Variants in MUC5B observed in about 807,000 individuals in gnomAD.
MUC5B encodes mucin-5B.
In MUC5B, 116 loss-of-function variants were observed where a neutral mutation model predicts 376.9. The observed-to-expected ratio is 0.31, with a 90% confidence interval of 0.26 to 0.36. The LOEUF (loss-of-function observed/expected upper bound fraction) is 0.36. MUC5B is among the 10% of genes least tolerant of loss of function. The probability of loss-of-function intolerance (pLI) is 1.00; values close to 1 mark genes in which losing one functional copy is unlikely to be tolerated. For synonymous variants in MUC5B, 3,517 were observed against 3,390.9 expected, an observed-to-expected ratio of 1.04 and a Z score of -1.29; for missense variants, 7,165 against 7,769.9, an observed-to-expected ratio of 0.92 and a Z score of 2.93.
At chr11:1,225,781 G>T in intron 2 of MUC5B, 44 bp downstream of exon 2, 1 of 1,568,046 alleles carries the variant, frequency 6.4e-7, no homozygotes. Flanking sequence ...GACCAGGCTG[G>T]AGGGGCTGGA....
chr11:1,223,603 G>A (rs899125722), intron 1 of MUC5B, among the ~76,000 whole-genome samples: 1 of 152,156 alleles, frequency 6.6e-6, no homozygotes, highest in Admixed American at 6.5e-5. Flanking sequence ...GTCCAGGACC[G>A]GCTCTACCCT....
Position 1,256,815 on chromosome 11 carries a change from C to A in MUC5B, c.16237+44C>A. 2.1e-6 allele frequency: 3 copies of A among 1,455,094 alleles called. No homozygotes were observed. The South Asian group carries it at 4.0e-5, about 19-fold the overall frequency. The allele number at this position is 1,455,094 out of a possible 1,614,324, so 90.1% of individuals were successfully genotyped here. The stretch of plus-strand genomic sequence containing the variant: ...GGCGGGATACGACCCTGGGCCCGAC[C>A]CAAGCACACACAGGGTGGGAGGAGC... On this transcript the variant is annotated intron_variant, in intron 39 of 48. Coordinates refer to ENST00000529681, the MANE Select transcript of MUC5B (RefSeq NM_002458.3).
chr11:1,244,134 G>C lies in MUC5B; in HGVS notation c.7254G>C (p.Pro2418=). Reference sequence around the variant, plus strand: ...ACTACGGCCACTGCCCCAGCACCCCGGCCACCAGCTCTACGGCCATGCCCT... The same window carrying C: ...ACTACGGCCACTGCCCCAGCACCCCCGCCACCAGCTCTACGGCCATGCCCT... The part of the protein sequence containing the change: ...CCNYGHCPST[P]ATSSTAMPSS... The change falls in exon 31 of 49, where the codon CCG becomes CCC. Residue 2418 remains proline, a synonymous_variant. Transcript: ENST00000529681. 1 of 1,612,058 alleles carries C rather than the reference G, an allele frequency of 6.2e-7. No homozygotes were observed. Among genetic ancestry groups the C allele is most frequent in the Non-Finnish European group, 8.5e-7 (1 of 1,179,214 alleles).
chr11:1,228,606 G>A lies in MUC5B; in HGVS notation c.817G>A (p.Glu273Lys), dbSNP rs1861944032. The A allele has an allele frequency of 6.5e-7, 1 of 1,531,714 alleles. No individual in the cohort carries two copies. Among genetic ancestry groups the A allele is most frequent in the Non-Finnish European group, 8.7e-7 (1 of 1,144,496 alleles). The allele number at this position is 1,531,714 out of a possible 1,614,324, so 94.9% of individuals were successfully genotyped here. The part of the protein sequence containing the change: ...HRTLLGPAFA[E>K]CHALVDSTAY... ...CACCCTGCTGGGGCCGGCCTTTGCGGAGTGCCACGCACTGGTGGACAGCAC... is the reference window on the plus strand; with the variant it reads ...CACCCTGCTGGGGCCGGCCTTTGCGAAGTGCCACGCACTGGTGGACAGCAC... The change falls in exon 8 of 49, where the codon GAG (glutamate) becomes AAG (lysine). Residue 273 changes from glutamate to lysine, a missense_variant. Coordinates refer to ENST00000529681, the MANE Select transcript of MUC5B (RefSeq NM_002458.3).
intron 47 of MUC5B, 86 bp from the exon 48 acceptor site, chr11:1,260,533 AGGGGTGG>A: frequency 6.9e-7 from 1 of 1,455,490 alleles, no homozygotes; most frequent in Non-Finnish European, 9.5e-7. Context: ...GGGCCATGGG[AGGGGTGG>A]TCCCATGGGG....
chr11:1,258,503 G>A lies in MUC5B; in HGVS notation c.16593+136G>A, dbSNP rs535860577. 215 of 1,052,306 alleles carry A rather than the reference G, an allele frequency of 2.0e-4. 1 individual carries two copies. In the East Asian group the frequency reaches 4.5e-3, roughly 22 times the overall value. 65.2% of individuals were successfully genotyped at this position (1,052,306 alleles called of 1,614,324 possible). A position where few individuals can be genotyped will look rare whatever the true frequency, so the allele number is the denominator to read the frequency against. ...CGATCCGCACAGGGGCCCTGGACAC[G>A]TCAGAGCTGGGACATGCTTGGGACT... is the stretch of plus-strand genomic sequence containing the variant. On this transcript the variant is annotated intron_variant, in intron 43 of 48. Coordinates refer to ENST00000529681, the MANE Select transcript of MUC5B (RefSeq NM_002458.3). The surrounding 1 kb of genome is among the most constrained non-coding windows in gnomAD (Gnocchi z 5.5).
At position 1,249,138 on chromosome 11, in the gene MUC5B, C is replaced by A. The variant is rs1355167264; in HGVS notation, c.12258C>A (p.Thr4086=). The part of the protein sequence containing the change: ...TESPPSPGTT[T]PGHTTATSRT... ...CACCCCCTTCCCCAGGGACGACCAC[C>A]CCGGGCCACACCACGGCCACCTCCA... Residue 4086 remains threonine (T), a synonymous_variant, in exon 31 of 49, where the codon ACC becomes ACA. Transcript: ENST00000529681. 3 of 1,611,284 alleles carry A rather than the reference C, an allele frequency of 1.9e-6. No homozygotes were observed. Among genetic ancestry groups the A allele is most frequent in the African/African-American group, 2.7e-5 (2 of 74,800 alleles).
chr11:1,239,830 C>T lies in MUC5B; in HGVS notation c.3615C>T (p.Pro1205=), dbSNP rs1266554678. The T allele has an allele frequency of 6.2e-7, 1 of 1,612,412 alleles. No homozygotes were observed. Among genetic ancestry groups the T allele is most frequent in the African/African-American group, 1.3e-5 (1 of 74,886 alleles). ...GCYPKCPPSQ[P]FFNEDQMKCV... is the part of the protein sequence containing the mutation. Reference sequence around the variant, plus strand: ...ACCCGAAGTGCCCACCCAGCCAGCCCTTCTTCAATGAGGACCAGATGAAGT... The same window carrying T: ...ACCCGAAGTGCCCACCCAGCCAGCCTTTCTTCAATGAGGACCAGATGAAGT... The change falls in exon 28 of 49, where the codon CCC becomes CCT. Residue 1205 remains proline, a synonymous_variant. Coordinates refer to ENST00000529681, the MANE Select transcript of MUC5B (RefSeq NM_002458.3).
At position 1,246,819 on chromosome 11, in the gene MUC5B, C is replaced by G; in HGVS notation, c.9939C>G (p.Thr3313=). 6.2e-7 allele frequency: 1 copy of G among 1,607,726 alleles called. No individual in the cohort carries two copies. Among genetic ancestry groups the G allele is most frequent in the South Asian group, 1.1e-5 (1 of 90,888 alleles). ...AHTTKVPTTT[T]TGFTATPSSS... is the part of the protein sequence containing the mutation. Reference sequence around the variant, plus strand: ...CTACCAAAGTGCCGACTACCACAACCACGGGCTTCACAGCCACCCCCTCCT... The same window carrying G: ...CTACCAAAGTGCCGACTACCACAACGACGGGCTTCACAGCCACCCCCTCCT... Residue 3313 remains threonine, a synonymous_variant, in exon 31 of 49, where the codon ACC becomes ACG. Coordinates refer to ENST00000529681, the MANE Select transcript of MUC5B (RefSeq NM_002458.3).
chr11:1,249,267 G>T lies in MUC5B; in HGVS notation c.12387G>T (p.Glu4129Asp). 6.2e-7 allele frequency: 1 copy of T among 1,611,404 alleles called. No individual in the cohort carries two copies. The highest frequency in any genetic ancestry group is 8.5e-7 in the Non-Finnish European group (1 of 1,179,584). The part of the protein sequence containing the change: ...PITTVVTTGC[E>D]PQCAWSEWLD... ...CCACGGTGGTGACCACGGGCTGTGAGCCCCAGTGTGCCTGGTCAGAGTGGC... is the reference window on the plus strand; with the variant it reads ...CCACGGTGGTGACCACGGGCTGTGATCCCCAGTGTGCCTGGTCAGAGTGGC... The change falls in exon 31 of 49, where the codon GAG becomes GAT. Residue 4129 changes from glutamate (E) to aspartate (D), a missense_variant. Glu to Asp is a conservative substitution (Grantham distance 45, BLOSUM62 2). This residue lies in a region of MUC5B where 47 missense variants were observed against 88.4 expected (regional missense o/e 0.53). Transcript: ENST00000529681.
At chr11:1,236,330 G>C (rs1389764523) in intron 23 of MUC5B, 56 bp from the exon 24 acceptor site, 4 of 1,545,686 alleles carry the variant, frequency 2.6e-6, no homozygotes, top group Non-Finnish European at 2.6e-6. Context: ...CTGGGTCTCA[G>C]GCCCCTCCCT....
Position 1,239,947 on chromosome 11 carries a change from A to AG in MUC5B, c.3728+9dup. ...CAGCGGAGAACTGCCAGAGCTGGTG[A>AG]GGGGGTGGGAAGCGGGTGGCGCTGG... On this transcript the variant is annotated splice_donor_region_variant and intron_variant, in intron 28 of 48. Transcript: ENST00000529681. 1 of 1,612,660 alleles carries AG rather than the reference A, an allele frequency of 6.2e-7. No individual in the cohort carries two copies. The highest frequency in any genetic ancestry group is 8.5e-7 in the Non-Finnish European group (1 of 1,179,480).
chr11:1,257,419 T>TCACTCTGGGC lies in MUC5B; in HGVS notation c.16270-105_16270-96dup. On this transcript the variant is annotated intron_variant, in intron 40 of 48. Coordinates refer to ENST00000529681, the MANE Select transcript of MUC5B (RefSeq NM_002458.3). This position sits in a 1 kb window ranked among gnomAD's most constrained non-coding sequence, Gnocchi z 8.9. ...TGGCTGGTGTGCGCTTCCTGCCCCA[T>TCACTCTGGGC]CACTCTGGGCCACTCGGGTACCAGC... 2 of 1,334,050 alleles carry TCACTCTGGGC rather than the reference T, an allele frequency of 1.5e-6. No homozygotes were observed. The highest frequency in any genetic ancestry group is 2.1e-6 in the Non-Finnish European group (2 of 951,418). 82.6% of individuals were successfully genotyped at this position (1,334,050 alleles called of 1,614,324 possible). A position where few individuals can be genotyped will look rare whatever the true frequency, so the allele number is the denominator to read the frequency against.
chr11:1,231,341 G>A, intron 13 of MUC5B, 82 bp from the exon 14 acceptor site: 1 of 1,472,772 alleles, frequency 6.8e-7, no homozygotes, highest in Non-Finnish European at 9.1e-7. Context: ...GGGTGGCCCG[G>A]CCCACTGGAT....
chr11:1,243,309 C>G lies in MUC5B; in HGVS notation c.6429C>G (p.Thr2143=), dbSNP rs534985648. 9 of 1,557,396 alleles carry G rather than the reference C, an allele frequency of 5.8e-6. No individual in the cohort carries two copies. Among genetic ancestry groups the G allele is most frequent in the Middle Eastern group, 1.7e-4 (1 of 5,958 alleles). ...LTTTATTITA[T]GSTTNPSSTP... is the part of the protein sequence containing the mutation. ...CCACGGCCACTACGATCACGGCCAC[C>G]GGCTCCACCACCAACCCCTCCTCAA... Residue 2143 remains threonine (T), a synonymous_variant, in exon 31 of 49, where the codon ACC becomes ACG. Coordinates refer to ENST00000529681, the MANE Select transcript of MUC5B (RefSeq NM_002458.3).
chr11:1,251,702 C>T lies in MUC5B; in HGVS notation c.14822C>T (p.Thr4941Ile). ...GGCTTCCCCAGCTCCCACTTCTCTA[C>T]TCCCTGCTTCTGCAGGGCATTTGGA... ...PTGFPSSHFS[T>I]PCFCRAFGQF... is the part of the protein sequence containing the mutation. Residue 4941 changes from threonine (T) to isoleucine (I), a missense_variant, in exon 31 of 49, where the codon ACT (threonine) becomes ATT (isoleucine). This residue lies in a region of MUC5B where 730 missense variants were observed against 592.7 expected (regional missense o/e 1.23). Coordinates refer to ENST00000529681, the MANE Select transcript of MUC5B (RefSeq NM_002458.3). 6.2e-7 allele frequency: 1 copy of T among 1,610,914 alleles called. No individual in the cohort carries two copies. The highest frequency in any genetic ancestry group is 8.5e-7 in the Non-Finnish European group (1 of 1,178,482).
At chr11:1,238,800 C>G in intron 25 of MUC5B, 71 bp from the exon 26 acceptor site, 2 of 1,494,940 alleles carry the variant, frequency 1.3e-6, no homozygotes, top group South Asian at 2.5e-5. Flanking sequence ...CAGCAACTGG[C>G]CCTGGGCCAG....
chr11:1,252,516 C>G lies in MUC5B; in HGVS notation c.15037C>G (p.Leu5013Val). 6.5e-7 allele frequency: 1 copy of G among 1,549,748 alleles called. No individual in the cohort carries two copies. Among genetic ancestry groups the G allele is most frequent in the Non-Finnish European group, 8.7e-7 (1 of 1,147,152 alleles). Residue 5013 changes from leucine to valine, a missense_variant, in exon 32 of 49, where the codon CTC becomes GTC. By Grantham distance (32) the Leu-to-Val change is conservative. Around this residue, in one of 31 missense-constraint regions of MUC5B, gnomAD observed 842 missense variants for 1,016.9 expected, o/e 0.83. Transcript: ENST00000529681. Reference protein sequence around the residue: ...PAPGCDNAIPLRQVNETWTLE... With the variant: ...PAPGCDNAIPVRQVNETWTLE... The stretch of plus-strand genomic sequence containing the variant: ...CCCTGGCTGTGACAATGCCATCCCT[C>G]TCCGGCAGGTGGGCCCCGCCTGCCC...
At position 1,246,625 on chromosome 11, in the gene MUC5B, T is replaced by G; in HGVS notation, c.9745T>G (p.Trp3249Gly). 1 of 1,611,086 alleles carries G rather than the reference T, an allele frequency of 6.2e-7. No individual in the cohort carries two copies. The change falls in exon 31 of 49, where the codon TGG becomes GGG. Residue 3249 changes from tryptophan to glycine, a missense_variant. This residue lies in a region of MUC5B where 939 missense variants were observed against 770.6 expected (regional missense o/e 1.22). Transcript: ENST00000529681. Reference sequence around the variant, plus strand: ...CCCCTCTTCCTCCCTGGGCACCGCCTGGACCCGCCTATCACAGACCACCAC... The same window carrying G: ...CCCCTCTTCCTCCCTGGGCACCGCCGGGACCCGCCTATCACAGACCACCAC... Reference protein sequence around the residue: ...AIPSSSLGTAWTRLSQTTTPT... With the variant: ...AIPSSSLGTAGTRLSQTTTPT...
Sources: allele counts gnomAD v4.1 joint callset (sites outside exome capture counted in the v4.1 genomes callset), GRCh38; gene constraint gnomAD v4.1.1; regional missense constraint gnomAD v4.1.1; non-coding constraint Gnocchi (gnomAD v3.1); transcripts MANE v1.5; gene names NCBI Gene and HGNC (gene_info 2026-07-23, HGNC 2026-07-21).